NBEAL2: variants seen among roughly 807,000 people sequenced by gnomAD.
NBEAL2 encodes neurobeachin-like protein 2.
In NBEAL2, 160 loss-of-function variants were observed where a neutral mutation model predicts 299.8. The observed-to-expected ratio is 0.53, with a 90% CI of 0.47 to 0.61. The LOEUF (loss-of-function observed/expected upper bound fraction) is 0.61. NBEAL2 is among the 20% of genes least tolerant of loss of function. The probability of loss-of-function intolerance (pLI) is 0.00; values close to 1 mark genes in which losing one functional copy is unlikely to be tolerated. For synonymous variants in NBEAL2, 1,493 were observed against 1,542.3 expected (o/e 0.97, Z 0.75); for missense variants, 3,112 against 3,649.0 (o/e 0.85, Z 3.79).
In NBEAL2 at chr3:46,998,345, C is replaced by T. The variant is rs572188989; in HGVS notation, c.3119-118C>T. ...GTTAGGAATCCAGAATGCCATGGGG[C>T]GGCTGAGGGGACTATGACCCTGCCC... is the stretch of plus-strand genomic sequence containing the variant. On this transcript the variant is annotated intron_variant, in intron 21 of 53. Coordinates refer to ENST00000450053, the MANE Select transcript of NBEAL2 (RefSeq NM_015175.3). 1.2e-4 allele frequency: 174 copies of T among 1,508,324 alleles called. No individual in the cohort carries two copies. The African/African-American group carries it at 1.9e-3, about 16-fold the overall frequency. The allele number at this position is 1,508,324 out of a possible 1,614,324, so 93.4% of individuals were successfully genotyped here.
Position 46,991,942 on chromosome 3 carries a change from G to A in NBEAL2, c.1028G>A (p.Ser343Asn). The change falls in exon 9 of 54, where the codon AGC (serine) becomes AAC (asparagine). Residue 343 changes from serine (S) to asparagine (N), a missense_variant. By Grantham distance (46) the Ser-to-Asn change is conservative. Transcript: ENST00000450053. This position sits in a 1 kb window ranked among gnomAD's most constrained non-coding sequence, Gnocchi z 6.2. Reference protein sequence around the residue: ...FEHLTRLIQNSKLYLQSRAPP... With the variant: ...FEHLTRLIQNNKLYLQSRAPP... ...CACCTCACTCGGCTCATTCAGAACA[G>A]CAAGGTGGGTAGGGCCCAGCCTGGG... is the stretch of plus-strand genomic sequence containing the variant. The A allele has an allele frequency of 6.3e-7, 1 of 1,595,178 alleles. No individual in the cohort carries two copies. Among genetic ancestry groups the A allele is most frequent in the Non-Finnish European group, 8.5e-7 (1 of 1,171,058 alleles).
chr3:46,989,691 T>C lies in NBEAL2; in HGVS notation c.556+98T>C. The C allele has an allele frequency of 9.1e-7, 1 of 1,095,554 alleles. No individual in the cohort carries two copies. Among genetic ancestry groups the C allele is most frequent in the Non-Finnish European group, 1.4e-6 (1 of 734,424 alleles). The allele number at this position is 1,095,554 out of a possible 1,614,324, so 67.9% of individuals were successfully genotyped here. ...GCCATACACAGGAACCACTTGGTGG[T>C]GGCTGCATGCAGGACTGGGAGAACC... On this transcript the variant is annotated intron_variant, in intron 6 of 53. Transcript: ENST00000450053. The surrounding 1 kb of genome is among the most constrained non-coding windows in gnomAD (Gnocchi z 5.5).
At position 47,001,161 on chromosome 3, in the gene NBEAL2, C is replaced by A. The variant is rs1458653777; in HGVS notation, c.4466C>A (p.Pro1489Gln). ...LGASATLVRPPDCIKRSLLEM... is the reference protein window; with the variant it reads ...LGASATLVRPQDCIKRSLLEM... ...GCCTCAGCCACACTTGTGCGCCCAC[C>A]AGACTGCATCAAGCGCAGGTGAGAG... The change falls in exon 28 of 54, where the codon CCA (proline) becomes CAA (glutamine). Residue 1489 changes from proline (P) to glutamine (Q), a missense_variant. Pro to Gln is a moderately conservative substitution (Grantham distance 76). This residue lies in a region of NBEAL2 where 2,243 missense variants were observed against 2,538.1 expected (regional missense o/e 0.88). Transcript: ENST00000450053. The surrounding 1 kb of genome is among the most constrained non-coding windows in gnomAD (Gnocchi z 6.1). The A allele has an allele frequency of 8.1e-6, 13 of 1,612,438 alleles. No individual in the cohort carries two copies. The highest frequency in any genetic ancestry group is 1.1e-5 in the Non-Finnish European group (13 of 1,179,248).
At chr3:46,997,904 G>C (rs2036619033) in intron 20 of NBEAL2, among the ~76,000 whole-genome samples, 163 bp from the exon 21 acceptor site, 1 of 152,266 alleles carries the variant, frequency 6.6e-6, no homozygotes, top group Admixed American at 6.5e-5. Flanking sequence ...GCAGGCAGGA[G>C]GCTTGCGTGT....
chr3:47,005,925 T>C, intron 42 of NBEAL2, 21 bp from the exon 43 acceptor site: 2 of 1,612,986 alleles, frequency 1.2e-6, no homozygotes, highest in South Asian at 2.2e-5. Flanking sequence ...CCTGCACTGA[T>C]TGCTGCCTCC....
rs148936476 is a variant in NBEAL2, at chr3:46,991,287, G to A, written c.625G>A (p.Val209Ile). The A allele has an allele frequency of 5.3e-5, 85 of 1,603,802 alleles. No individual in the cohort carries two copies. The highest frequency in any genetic ancestry group is 1.7e-4 in the Middle Eastern group (1 of 6,054). The change falls in exon 7 of 54, where the codon GTC becomes ATC. Residue 209 changes from valine (V) to isoleucine (I), a missense_variant. Val to Ile is a conservative substitution (Grantham distance 29). Coordinates refer to ENST00000450053, the MANE Select transcript of NBEAL2 (RefSeq NM_015175.3). The surrounding 1 kb of genome is among the most constrained non-coding windows in gnomAD (Gnocchi z 6.2). ...ACGTCTCATCCACCTCTTCTGCGCC[G>A]TCCTCGCTGGAGGAAAGGTAGGCTG... The part of the protein sequence containing the change: ...LLRLIHLFCA[V>I]LAGGKENGQM...
chr3:46,980,168 G>A (rs1410766934), intron 1 of NBEAL2, among the ~76,000 whole-genome samples: 1 of 152,208 alleles, frequency 6.6e-6, no homozygotes, highest in East Asian at 1.9e-4. Flanking sequence ...GAGCAGGACC[G>A]TGCAGCCTGA....
At chr3:47,006,951 C>T (rs2037489323) in intron 45 of NBEAL2, 115 bp from the exon 46 acceptor site, 2 of 830,006 alleles carry the variant, frequency 2.4e-6, no homozygotes, top group African/African-American at 3.4e-5. Context: ...GCATCTGTGA[C>T]ACCTACTCTA....
In NBEAL2 at chr3:46,998,455, C is replaced by T; in HGVS notation, c.3119-8C>T. ...AGTGGCCTGAGCCCTCTGCTCATTC[C>T]CGCTCAGGTCACATCCAGTACATGT... On this transcript the variant is annotated splice_region_variant and splice_polypyrimidine_tract_variant and intron_variant, in intron 21 of 53. Coordinates refer to ENST00000450053, the MANE Select transcript of NBEAL2 (RefSeq NM_015175.3). 7 of 1,609,868 alleles carry T rather than the reference C, an allele frequency of 4.3e-6. No homozygotes were observed. The highest frequency in any genetic ancestry group is 5.9e-6 in the Non-Finnish European group (7 of 1,178,170).
Position 46,991,124 on chromosome 3 carries a change from C to T in NBEAL2, c.557-95C>T. 3 of 1,110,564 alleles carry T rather than the reference C, an allele frequency of 2.7e-6. No homozygotes were observed. The highest frequency in any genetic ancestry group is 4.0e-6 in the Non-Finnish European group (3 of 748,814). 68.8% of individuals were successfully genotyped at this position (1,110,564 alleles called of 1,614,324 possible). ...CTTTTACTTGGCCCAGCTCCCTCTC[C>T]CCTCCACCCCAGGGCACTCACCTCT... is the stretch of plus-strand genomic sequence containing the variant. On this transcript the variant is annotated intron_variant, in intron 6 of 53. Coordinates refer to ENST00000450053, the MANE Select transcript of NBEAL2 (RefSeq NM_015175.3). This position sits in a 1 kb window ranked among gnomAD's most constrained non-coding sequence, Gnocchi z 6.2.
Position 46,995,336 on chromosome 3 carries a change from G to A in NBEAL2, c.1601G>A (p.Arg534His), listed in dbSNP as rs764458289. The A allele has an allele frequency of 5.6e-6, 9 of 1,605,690 alleles. No individual in the cohort carries two copies. Among genetic ancestry groups the A allele is most frequent in the East Asian group, 4.5e-5 (2 of 44,480 alleles). ...GTATCAATAAGGCCCATGGAGCTGC[G>A]TCACCTGCTGCGCCCCCGGCCAGGA... ...GRVSIRPMEL[R>H]HLLRPRPGLD... Residue 534 changes from arginine (R) to histidine (H), a missense_variant, in exon 13 of 54, where the codon CGT (arginine) becomes CAT (histidine). Arg to His is a conservative substitution (Grantham distance 29, BLOSUM62 0). Around this residue, in one of 3 missense-constraint regions of NBEAL2, gnomAD observed 2,243 missense variants for 2,538.1 expected, o/e 0.88. Coordinates refer to ENST00000450053, the MANE Select transcript of NBEAL2 (RefSeq NM_015175.3).
chr3:46,996,891 C>T, intron 17 of NBEAL2, 58 bp downstream of exon 17: 2 of 1,608,686 alleles, frequency 1.2e-6, no homozygotes, highest in Non-Finnish European at 1.7e-6. Context: ...CCGGCTCCCA[C>T]ACTCTGCCTG....
In NBEAL2 at chr3:47,004,554, G is replaced by A. The variant is rs371080261; in HGVS notation, c.6258G>A (p.Ala2086=). ...FEYLMQLNTI[A]GRTYNDLSQY... ...ACTTGATGCAACTCAACACCATTGC[G>A]GGGCGGACCTACAATGACCTGTCTC... The change falls in exon 38 of 54, where the codon GCG becomes GCA. Residue 2086 remains alanine (A), a synonymous_variant. Transcript: ENST00000450053. This position sits in a 1 kb window ranked among gnomAD's most constrained non-coding sequence, Gnocchi z 5.0. 3.2e-5 allele frequency: 51 copies of A among 1,613,630 alleles called. No homozygotes were observed. The highest frequency in any genetic ancestry group is 1.1e-4 in the South Asian group (10 of 91,088).
chr3:46,998,124 C>G lies in NBEAL2; in HGVS notation c.3016C>G (p.Gln1006Glu), dbSNP rs1474788116. 2 of 1,589,562 alleles carry G rather than the reference C, an allele frequency of 1.3e-6. No homozygotes were observed. The highest frequency in any genetic ancestry group is 1.7e-6 in the Non-Finnish European group (2 of 1,167,972). Residue 1006 changes from glutamine (Q) to glutamate (E), a missense_variant, in exon 21 of 54, where the codon CAG becomes GAG. Transcript: ENST00000450053. ...VLMSAQLLME[Q>E]VAAEGSGPLL... ...CATGTCCGCCCAGCTGCTGATGGAG[C>G]AGGTGGCAGCTGAGGGCAGCGGGCC... is the stretch of plus-strand genomic sequence containing the variant.
chr3:46,996,651 G>T, intron 16 of NBEAL2, 59 bp downstream of exon 16: 2 of 1,524,086 alleles, frequency 1.3e-6, no homozygotes, highest in South Asian at 2.6e-5. Flanking sequence ...GGTCCGGGGG[G>T]AGAAGGCATC....
In NBEAL2 at chr3:46,995,481, C is replaced by G; in HGVS notation, c.1746C>G (p.Asp582Glu). The change falls in exon 13 of 54, where the codon GAC (aspartate) becomes GAG (glutamate). Residue 582 changes from aspartate (D) to glutamate (E), a missense_variant. Asp to Glu is a conservative substitution (Grantham distance 45). Transcript: ENST00000450053. ...QGPARALRYFDLTPSMAGIMV... is the reference protein window; with the variant it reads ...QGPARALRYFELTPSMAGIMV... ...CTGCACGTGCTCTGCGCTACTTTGA[C>G]CTCACGCCCAGCATGGCGGGCATCA... 1.2e-6 allele frequency: 2 copies of G among 1,612,914 alleles called. No individual in the cohort carries two copies. The highest frequency in any genetic ancestry group is 1.7e-6 in the Non-Finnish European group (2 of 1,179,898).
chr3:46,998,031 G>A, intron 20 of NBEAL2, 36 bp from the exon 21 acceptor site: 6 of 1,536,492 alleles, frequency 3.9e-6, no homozygotes, highest in Non-Finnish European at 5.3e-6. Flanking sequence ...GACAGGCAGA[G>A]CCTGAGCCCT....
In NBEAL2 at chr3:47,003,329, G is replaced by A; in HGVS notation, c.5720+20G>A. On this transcript the variant is annotated intron_variant, in intron 35 of 53. Transcript: ENST00000450053. The surrounding 1 kb of genome is among the most constrained non-coding windows in gnomAD (Gnocchi z 7.0). ...GACCCCGTGAGTGGGGCCCTGGAGA[G>A]ATTGGACTGGTGTGGTGGGCAAGGG... 1 of 1,607,276 alleles carries A rather than the reference G, an allele frequency of 6.2e-7. No individual in the cohort carries two copies. Among genetic ancestry groups the A allele is most frequent in the Non-Finnish European group, 8.5e-7 (1 of 1,177,064 alleles).
chr3:46,997,900 A>T (rs1397634539), intron 20 of NBEAL2, among the ~76,000 whole-genome samples, 167 bp from the exon 21 acceptor site: 1 of 152,260 alleles, frequency 6.6e-6, no homozygotes, highest in Non-Finnish European at 1.5e-5. Flanking sequence ...CACAGCAGGC[A>T]GGAGGCTTGC....
Sources: gnomAD v4.1 joint callset for allele counts (sites outside exome capture counted in the v4.1 genomes callset) on GRCh38, gnomAD v4.1.1 for gene constraint, gnomAD v4.1.1 regional missense constraint, Gnocchi (gnomAD v3.1) non-coding constraint, MANE v1.5 for transcripts, NCBI Gene and HGNC (gene_info 2026-07-23, HGNC 2026-07-21) for gene names.